The following APBB2 variants were observed in gnomAD, a reference collection of about 807,000 sequenced individuals.
APBB2 encodes the protein Fe65-like 1.
In APBB2, 38 loss-of-function variants were observed where a neutral mutation model predicts 82.5. That is an observed-to-expected ratio of 0.46 (90% confidence interval 0.36 to 0.60). The LOEUF (loss-of-function observed/expected upper bound fraction) is 0.60, where lower values mean the gene tolerates loss of function less well. Ranked by LOEUF, APBB2 falls within the 20% of genes least tolerant of loss-of-function variation. APBB2 has a pLI of 0.00. For missense variants in APBB2, 772 were observed against 972.3 expected, an observed-to-expected ratio of 0.79 and a Z score of 2.74; for synonymous variants, 341 against 368.2, an observed-to-expected ratio of 0.93 and a Z score of 0.85.
chr4:40,827,332 G>A (rs79670378), intron 13 of APBB2, 113 bp from the exon 14 acceptor site: 55,235 of 833,874 alleles, frequency 0.066, 2,328 homozygotes, highest in Non-Finnish European at 0.078. Flanking sequence ...ATCAGCTTTA[G>A]TCTATTGCCT....
intron 1 of APBB2, among the ~76,000 whole-genome samples, chr4:41,152,383 C>T (rs367828583): frequency 4.0e-5 from 6 of 151,174 alleles, no homozygotes; most frequent in African/African-American, 7.3e-5. Flanking sequence ...AGTACAGGGG[C>T]GCAATCTCCG....
At chr4:40,840,743 A>T (rs1166842029) in intron 12 of APBB2, among the ~76,000 whole-genome samples, 1 of 152,134 alleles carries the variant, frequency 6.6e-6, no homozygotes. Flanking sequence ...GCAGATCTGA[A>T]ATTCTACCAC....
chr4:41,019,995 CAG>C (rs907664914), intron 5 of APBB2, among the ~76,000 whole-genome samples: 1 of 151,468 alleles, frequency 6.6e-6, no homozygotes, highest in African/African-American at 2.4e-5. Flanking sequence ...GAGGAAGAGA[CAG>C]AGAGACAGAA....
chr4:41,134,087 CT>C (rs1756854249), intron 2 of APBB2, among the ~76,000 whole-genome samples: 4 of 152,318 alleles, frequency 2.6e-5, no homozygotes, highest in Non-Finnish European at 5.9e-5. Flanking sequence ...CCACCCACCT[CT>C]GCCTCTTGAG....
chr4:40,855,571 C>T (rs1223691005), intron 12 of APBB2, among the ~76,000 whole-genome samples: 3 of 151,960 alleles, frequency 2.0e-5, no homozygotes, highest in Non-Finnish European at 4.4e-5. Context: ...CCCGTCTCTA[C>T]TCAAAAAAAC....
At chr4:41,075,737 T>C (rs1049610562) in intron 3 of APBB2, among the ~76,000 whole-genome samples, 1 of 152,252 alleles carries the variant, frequency 6.6e-6, no homozygotes, top group Non-Finnish European at 1.5e-5. Context: ...TATGTTACGC[T>C]TATAACTGGG....
chr4:41,186,370 T>C (rs1772900137), intron 1 of APBB2, among the ~76,000 whole-genome samples: 1 of 152,222 alleles, frequency 6.6e-6, no homozygotes, highest in Non-Finnish European at 1.5e-5. Flanking sequence ...GGTAGGATAA[T>C]AATTAGTATG....
At chr4:40,868,453 A>G (rs1764601889) in intron 12 of APBB2, among the ~76,000 whole-genome samples, 1 of 152,208 alleles carries the variant, frequency 6.6e-6, no homozygotes, top group Non-Finnish European at 1.5e-5. Context: ...TAGGAACACA[A>G]TGATCCAGTA....
At chr4:41,082,538 G>T (rs1311256795) in intron 3 of APBB2, among the ~76,000 whole-genome samples, 2 of 151,204 alleles carry the variant, frequency 1.3e-5, no homozygotes, top group Non-Finnish European at 2.9e-5. Flanking sequence ...GTAAAACACA[G>T]TTCAGGAGGC....
chr4:40,979,781 G>A (rs1467640748), intron 6 of APBB2, among the ~76,000 whole-genome samples: 2 of 152,208 alleles, frequency 1.3e-5, no homozygotes, highest in Non-Finnish European at 2.9e-5. Flanking sequence ...GTGCTTGGAA[G>A]AGGACCCCAT....
intron 10 of APBB2, among the ~76,000 whole-genome samples, chr4:40,906,906 G>A (rs1190521654): frequency 2.0e-5 from 3 of 152,124 alleles, no homozygotes; most frequent in Non-Finnish European, 4.4e-5. Flanking sequence ...TATTGAGAGT[G>A]TGTGTATATA....
intron 6 of APBB2, among the ~76,000 whole-genome samples, chr4:41,002,860 A>G (rs377035109): frequency 6.6e-6 from 1 of 152,164 alleles, no homozygotes; most frequent in South Asian, 2.1e-4. Flanking sequence ...AGTGCCCTAA[A>G]GTCAGAGTCA....
At chr4:41,058,952 A>G (rs1471741743) in intron 4 of APBB2, among the ~76,000 whole-genome samples, 1 of 152,208 alleles carries the variant, frequency 6.6e-6, no homozygotes, top group Non-Finnish European at 1.5e-5. Context: ...GATAGAACTT[A>G]AAGTCAGATG....
intron 12 of APBB2, among the ~76,000 whole-genome samples, chr4:40,839,116 C>T (rs764884453): frequency 1.9e-4 from 29 of 152,030 alleles, no homozygotes; most frequent in East Asian, 7.7e-4. Context: ...CTCACTCTGT[C>T]GGCCAGGCTG....
At position 40,815,089 on chromosome 4, in the gene APBB2, T is replaced by C. The variant is rs1249332459; in HGVS notation, c.*1003A>G. 6.6e-6 allele frequency: 1 copy of C among 152,554 alleles called. No homozygotes were observed. Among genetic ancestry groups the C allele is most frequent in the Non-Finnish European group, 1.5e-5 (1 of 68,020 alleles). 9.5% of individuals were successfully genotyped at this position (152,554 alleles called of 1,614,324 possible). ...CAGCAGAACGTTTACCTCTAGCACA[T>C]GGACTAGCAAAAATCACACGGTGGT... On this transcript the variant is annotated 3_prime_UTR_variant, in exon 18 of 18. Transcript: ENST00000508593.
chr4:41,193,937 T>G, intron 1 of APBB2: 1 of 152,198 alleles, frequency 6.6e-6, no homozygotes, highest in Admixed American at 6.5e-5. Context: ...GGTAGGAATA[T>G]CAGTATCTAG....
chr4:40,946,232 C>CAAAAAAAAAAAAAAAAAAAAAAAAA (rs55995119), intron 6 of APBB2, among the ~76,000 whole-genome samples: 1 of 78,724 alleles, frequency 1.3e-5, no homozygotes, highest in Non-Finnish European at 2.4e-5. Flanking sequence ...ACTCTATCTC[C>CAAAAAAAAAAAAAAAAAAAAAAAAA]AAAAAAAAAA....
intron 2 of APBB2, among the ~76,000 whole-genome samples, chr4:41,116,263 A>T (rs756515468): frequency 1.3e-5 from 2 of 152,208 alleles, no homozygotes; most frequent in Non-Finnish European, 2.9e-5. Context: ...GAGTTGAACA[A>T]TGGGAACACA....
At chr4:41,017,887 CTT>C (rs1420531503) in intron 5 of APBB2, among the ~76,000 whole-genome samples, 1 of 152,130 alleles carries the variant, frequency 6.6e-6, no homozygotes, top group East Asian at 1.9e-4. Flanking sequence ...TTGTGTTTGT[CTT>C]TAAATAAAAG....
Sources: allele counts gnomAD v4.1 joint callset (sites outside exome capture counted in the v4.1 genomes callset), GRCh38; gene constraint gnomAD v4.1.1; transcripts MANE v1.5; gene names NCBI Gene and HGNC (gene_info 2026-07-23, HGNC 2026-07-21).